The following CUL3 variants were observed in gnomAD, a reference collection of about 807,000 sequenced individuals.
CUL3 encodes the protein cullin 3.
A neutral mutation model predicts 89.1 loss-of-function variants in CUL3; 19 were observed. The observed-to-expected ratio is 0.21, with a 90% CI of 0.15 to 0.31. The LOEUF (loss-of-function observed/expected upper bound fraction) is 0.31. Among genes scored for constraint, CUL3 ranks in the 10% least tolerant of loss-of-function variants. CUL3 has a pLI of 1.00. For missense variants in CUL3, 469 were observed against 942.3 expected (o/e 0.50, Z 6.58); for synonymous variants, 351 against 308.4 (o/e 1.14, Z -1.45).
At chr2:224,477,670 A>ACCT (rs1011344744) in intron 15 of CUL3, among the ~76,000 whole-genome samples, 1 of 152,144 alleles carries the variant, frequency 6.6e-6, no homozygotes, top group African/African-American at 2.4e-5. Context: ...CAAGCCAGAA[A>ACCT]CCTAAACGGC....
chr2:224,572,301 G>A (rs933793842), intron 1 of CUL3, among the ~76,000 whole-genome samples: 2 of 152,050 alleles, frequency 1.3e-5, no homozygotes, highest in African/African-American at 4.8e-5. Flanking sequence ...GAATGCCTGT[G>A]TCTCCTCCAA....
intron 2 of CUL3, among the ~76,000 whole-genome samples, chr2:224,547,312 A>C (rs571012653): frequency 6.6e-6 from 1 of 152,268 alleles, no homozygotes; most frequent in South Asian, 2.1e-4. Flanking sequence ...GCTTTTGTTC[A>C]TCCTTATGAA....
rs570773337 is a variant in CUL3 at position 224,500,232 on chromosome 2, A to C, written c.1610+131T>G. The stretch of plus-strand genomic sequence containing the variant: ...GGGGAAATTGCTGTATGCCAGGATA[A>C]ATGCTCCTTTTGATCACGAGGTAAT... On this transcript the variant is annotated intron_variant, in intron 11 of 15. Coordinates refer to ENST00000264414, the MANE Select transcript of CUL3 (RefSeq NM_003590.5). The C allele has an allele frequency of 2.0e-4, 212 of 1,086,412 alleles. No individual in the cohort carries two copies. The Admixed American group carries it at 3.4e-3, about 17-fold the overall frequency. 67.3% of individuals were successfully genotyped at this position (1,086,412 alleles called of 1,614,324 possible). A position where few individuals can be genotyped will look rare whatever the true frequency, so the allele number is the denominator to read the frequency against.
At chr2:224,576,323 C>T (rs1695296399) in intron 1 of CUL3, among the ~76,000 whole-genome samples, 1 of 146,676 alleles carries the variant, frequency 6.8e-6, no homozygotes, top group Non-Finnish European at 1.5e-5. Flanking sequence ...AACAGAAAGA[C>T]TGGACCGCAG....
At chr2:224,515,277 CTACT>C (rs1318489410) in intron 3 of CUL3, among the ~76,000 whole-genome samples, 1 of 152,232 alleles carries the variant, frequency 6.6e-6, no homozygotes, top group African/African-American at 2.4e-5. Flanking sequence ...TAAAACACCT[CTACT>C]TACTGTCACT....
intron 2 of CUL3, among the ~76,000 whole-genome samples, chr2:224,548,677 T>A (rs567356509): frequency 6.6e-6 from 1 of 152,236 alleles, no homozygotes; most frequent in Admixed American, 6.5e-5. Flanking sequence ...CTTCCCATAT[T>A]AAAACTAAAG....
At position 224,481,948 on chromosome 2, in the gene CUL3, A is replaced by G. The variant is rs758003374; in HGVS notation, c.1973T>C (p.Ile658Thr). ...TGTGAATTGATCATTAACTGTAAATATATGACCATTTTCTATTTCCTTTGA... is the reference window on the plus strand; with the variant it reads ...TGTGAATTGATCATTAACTGTAAATGTATGACCATTTTCTATTTCCTTTGA... ...PKSKEIENGH[I>T]FTVNDQFTSK... is the part of the protein sequence containing the mutation. Residue 658 changes from isoleucine (I) to threonine (T), a missense_variant, in exon 14 of 16, where the codon ATA (isoleucine) becomes ACA (threonine). This residue lies in a region of CUL3 where 65 missense variants were observed against 147.8 expected (regional missense o/e 0.44). Coordinates refer to ENST00000264414, the MANE Select transcript of CUL3 (RefSeq NM_003590.5). The G allele has an allele frequency of 5.0e-6, 8 of 1,604,012 alleles. No homozygotes were observed. The highest frequency in any genetic ancestry group is 6.8e-6 in the Non-Finnish European group (8 of 1,175,850).
chr2:224,573,844 T>C (rs1188353384), intron 1 of CUL3, among the ~76,000 whole-genome samples: 1 of 152,182 alleles, frequency 6.6e-6, no homozygotes, highest in Non-Finnish European at 1.5e-5. Flanking sequence ...TACTTAAAAT[T>C]GTTTTCAGGA....
At chr2:224,524,538 T>C (rs1034413876) in intron 3 of CUL3, among the ~76,000 whole-genome samples, 2 of 152,154 alleles carry the variant, frequency 1.3e-5, no homozygotes, top group African/African-American at 4.8e-5. Flanking sequence ...CAGGCTTTCT[T>C]TCAGTTCAGA....
chr2:224,508,677 T>G (rs2106209407), intron 6 of CUL3, among the ~76,000 whole-genome samples: 1 of 152,262 alleles, frequency 6.6e-6, no homozygotes, highest in South Asian at 2.1e-4. Context: ...AATAAGATAC[T>G]GGCGAGACAC....
At position 224,472,130 on chromosome 2, in the gene CUL3, CT is replaced by C. The variant is rs1691153065; in HGVS notation, c.*2114del. 1 of 229,106 alleles carries C rather than the reference CT, an allele frequency of 4.4e-6. No homozygotes were observed. The highest frequency in any genetic ancestry group is 1.3e-3 in the Middle Eastern group (1 of 778). The allele number at this position is 229,106 out of a possible 1,614,324, so 14.2% of individuals were successfully genotyped here. A position where few individuals can be genotyped will look rare whatever the true frequency, so the allele number is the denominator to read the frequency against. On this transcript the variant is annotated 3_prime_UTR_variant, in exon 16 of 16. Transcript: ENST00000264414. ...TCGCCAGCAATCTCCAACCATTCAA[CT>C]GCAATTCAGAAATGTTTTAATGTAT...
chr2:224,522,835 C>T (rs1829922), intron 3 of CUL3, among the ~76,000 whole-genome samples: 7 of 150,240 alleles, frequency 4.7e-5, no homozygotes, highest in East Asian at 2.0e-4. Context: ...CTCAAAAAAA[C>T]AATCCTTCTC....
rs778907869 is a variant in CUL3, at chr2:224,576,301, C to T, written c.66+8643G>A. 3.4e-4 allele frequency among the ~76,000 whole-genome samples: 52 copies of T among 152,092 alleles called. 1 individual carries two copies. Among genetic ancestry groups the T allele is most frequent in the Non-Finnish European group, 5.4e-4 (37 of 68,018 alleles). ...CATGGTGGAGGAAGTGAAATGTAGA[C>T]CACAGCTAGTAAACAGAAAGACTGG... On this transcript the variant is annotated intron_variant, in intron 1 of 15. Coordinates refer to ENST00000264414, the MANE Select transcript of CUL3 (RefSeq NM_003590.5).
rs750354631 is a variant in CUL3, at chr2:224,584,977, C to T, written c.33G>A (p.Arg11=). MSNLSKGTGS[R]KDTKMRIRAF... is the part of the protein sequence containing the mutation. ...CCCGGATCCGCATCTTGGTGTCCTTCCGGCTGCCCGTGCCTTTGCTCAGAT... is the reference window on the plus strand; with the variant it reads ...CCCGGATCCGCATCTTGGTGTCCTTTCGGCTGCCCGTGCCTTTGCTCAGAT... The change falls in exon 1 of 16, where the codon CGG becomes CGA. Residue 11 remains arginine (R), a synonymous_variant. Coordinates refer to ENST00000264414, the MANE Select transcript of CUL3 (RefSeq NM_003590.5). 6 of 1,507,778 alleles carry T rather than the reference C, an allele frequency of 4.0e-6. No homozygotes were observed. The highest frequency in any genetic ancestry group is 5.4e-6 in the Non-Finnish European group (6 of 1,117,046). The allele number at this position is 1,507,778 out of a possible 1,614,324, so 93.4% of individuals were successfully genotyped here. A position where few individuals can be genotyped will look rare whatever the true frequency, so the allele number is the denominator to read the frequency against.
At chr2:224,496,616 T>G (rs966759395) in intron 12 of CUL3, among the ~76,000 whole-genome samples, 1 of 152,066 alleles carries the variant, frequency 6.6e-6, no homozygotes, top group Non-Finnish European at 1.5e-5. Flanking sequence ...ACTACTGTTA[T>G]ACTACCACCA....
intron 4 of CUL3, among the ~76,000 whole-genome samples, chr2:224,514,373 G>A (rs927743832): frequency 4.6e-5 from 7 of 151,972 alleles, no homozygotes; most frequent in Non-Finnish European, 8.8e-5. Flanking sequence ...CAAAAGTGAC[G>A]GCTAGCTGAA....
chr2:224,508,344 T>C (rs972757956), intron 6 of CUL3, among the ~76,000 whole-genome samples: 2 of 152,366 alleles, frequency 1.3e-5, no homozygotes, highest in East Asian at 1.9e-4. Flanking sequence ...GGCAATTTTA[T>C]AGCTTCTCAC....
chr2:224,542,176 T>C (rs1328871326), intron 2 of CUL3, among the ~76,000 whole-genome samples: 1 of 152,196 alleles, frequency 6.6e-6, no homozygotes, highest in African/African-American at 2.4e-5. Context: ...GAAAGAATTG[T>C]TAAACAATTT....
intron 10 of CUL3, among the ~76,000 whole-genome samples, chr2:224,501,255 T>C (rs187623283): frequency 4.3e-4 from 66 of 152,364 alleles, no homozygotes; most frequent in Admixed American, 3.1e-3. Context: ...AACTTTTACG[T>C]TTTAGCATGT....
Sources: gnomAD v4.1 joint callset for allele counts (sites outside exome capture counted in the v4.1 genomes callset) on GRCh38, gnomAD v4.1.1 for gene constraint, gnomAD v4.1.1 regional missense constraint, MANE v1.5 for transcripts, NCBI Gene and HGNC (gene_info 2026-07-23, HGNC 2026-07-21) for gene names.